UVRAG: variants seen among roughly 807,000 people sequenced by gnomAD.
UVRAG encodes the protein UV radiation resistance-associated gene protein.
UVRAG carries 19 observed loss-of-function variants against 78.0 expected under a neutral mutation model. The observed-to-expected ratio is 0.24, with a 90% CI of 0.17 to 0.36. UVRAG has a LOEUF of 0.36. Ranked by LOEUF, UVRAG falls within the 10% of genes least tolerant of loss-of-function variation. UVRAG has a pLI of 1.00. For synonymous variants in UVRAG, 323 were observed against 324.6 expected (o/e 1.00, Z 0.05); for missense variants, 740 against 853.8 (o/e 0.87, Z 1.66).
chr11:76,062,185 C>T (rs1951106506), intron 12 of UVRAG, among the ~76,000 whole-genome samples: 2 of 152,098 alleles, frequency 1.3e-5, no homozygotes, highest in South Asian at 4.1e-4. Context: ...TTCCTTATTA[C>T]GATACTTACT....
At chr11:75,977,174 C>T (rs1418784918) in intron 7 of UVRAG, among the ~76,000 whole-genome samples, 12 of 152,142 alleles carry the variant, frequency 7.9e-5, no homozygotes, top group African/African-American at 1.7e-4. Flanking sequence ...TGTAGTTGAG[C>T]GGTTTTGAGT....
chr11:75,851,447 G>A (rs1408906767), intron 1 of UVRAG, among the ~76,000 whole-genome samples: 4 of 152,122 alleles, frequency 2.6e-5, no homozygotes, highest in Non-Finnish European at 5.9e-5. Flanking sequence ...AGATAATCTG[G>A]CATCTAGACT....
At chr11:76,100,898 T>TA (rs1460765312) in intron 13 of UVRAG, among the ~76,000 whole-genome samples, 17 of 152,306 alleles carry the variant, frequency 1.1e-4, no homozygotes, top group African/African-American at 3.8e-4. Flanking sequence ...CCAAGGATAA[T>TA]GATCTCCAGC....
chr11:75,920,468 T>C (rs887109741), intron 6 of UVRAG, among the ~76,000 whole-genome samples: 5 of 151,832 alleles, frequency 3.3e-5, no homozygotes, highest in East Asian at 1.9e-4. Context: ...GACACACATA[T>C]ACACACACAC....
chr11:76,001,014 G>A (rs887069138), intron 8 of UVRAG, among the ~76,000 whole-genome samples: 7 of 152,154 alleles, frequency 4.6e-5, no homozygotes, highest in Non-Finnish European at 1.0e-4. Context: ...CTAATTGATA[G>A]CATACCACTC....
chr11:76,050,255 A>T (rs973382804), intron 12 of UVRAG, among the ~76,000 whole-genome samples: 9 of 152,250 alleles, frequency 5.9e-5, no homozygotes, highest in African/African-American at 1.9e-4. Context: ...TTGTCTAGGT[A>T]TATTAAAACC....
intron 12 of UVRAG, among the ~76,000 whole-genome samples, chr11:76,039,910 C>T (rs892156622): frequency 7.9e-5 from 12 of 151,968 alleles, no homozygotes; most frequent in Admixed American, 7.2e-4. Flanking sequence ...GGGTGAAAGA[C>T]CTTTATCAAA....
intron 13 of UVRAG, among the ~76,000 whole-genome samples, chr11:76,090,788 A>T (rs1054857751): frequency 6.6e-6 from 1 of 152,120 alleles, no homozygotes; most frequent in Non-Finnish European, 1.5e-5. Context: ...ACCTCTCAAG[A>T]TATTCAGACA....
intron 6 of UVRAG, among the ~76,000 whole-genome samples, chr11:75,913,711 G>T (rs913830897): frequency 5.3e-5 from 8 of 152,188 alleles, no homozygotes; most frequent in Non-Finnish European, 1.0e-4. Context: ...TGCTTTGACG[G>T]TTTTCTGACA....
intron 12 of UVRAG, among the ~76,000 whole-genome samples, chr11:76,040,007 TTAGC>T (rs1950613263): frequency 6.6e-6 from 1 of 152,242 alleles, no homozygotes; most frequent in Admixed American, 6.5e-5. Flanking sequence ...CATACCTTGT[TTAGC>T]TATGCCTTAT....
At chr11:75,941,670 C>G (rs1333400310) in intron 6 of UVRAG, among the ~76,000 whole-genome samples, 8 of 152,110 alleles carry the variant, frequency 5.3e-5, no homozygotes, top group Non-Finnish European at 1.2e-4. Context: ...GACATTCCCC[C>G]CTGCAACCTG....
chr11:75,912,322 C>T (rs977192880), intron 6 of UVRAG, among the ~76,000 whole-genome samples: 3 of 152,218 alleles, frequency 2.0e-5, no homozygotes, highest in Non-Finnish European at 4.4e-5. Flanking sequence ...CTGTACCCTA[C>T]AGAACAGTAA....
intron 8 of UVRAG, among the ~76,000 whole-genome samples, chr11:75,989,158 G>C (rs180759541): frequency 8.5e-5 from 13 of 152,120 alleles, no homozygotes; most frequent in Middle Eastern, 3.4e-3. Context: ...GGGTTCAAGA[G>C]ACTCTCCTGC....
intron 10 of UVRAG, 140 bp downstream of exon 10, chr11:76,007,761 TAA>T (rs780232159): frequency 7.4e-6 from 5 of 674,052 alleles, no homozygotes; most frequent in Non-Finnish European, 1.2e-5. Flanking sequence ...AATGTCTATT[TAA>T]AACATAGATT....
At chr11:75,974,472 T>C (rs1432287295) in intron 7 of UVRAG, among the ~76,000 whole-genome samples, 1 of 147,622 alleles carries the variant, frequency 6.8e-6, no homozygotes, top group African/African-American at 2.5e-5. Context: ...GTTCACGCCA[T>C]TCTCCTGCCT....
intron 3 of UVRAG, among the ~76,000 whole-genome samples, chr11:75,870,630 T>C (rs1946627431): frequency 6.6e-6 from 1 of 152,194 alleles, no homozygotes; most frequent in Admixed American, 6.5e-5. Context: ...TAGGGTGGTA[T>C]AATTTGAAGA....
intron 14 of UVRAG, among the ~76,000 whole-genome samples, chr11:76,123,800 C>T (rs375019459): frequency 2.0e-5 from 3 of 151,492 alleles, no homozygotes; most frequent in Non-Finnish European, 4.4e-5. Context: ...GAGTCTCGCT[C>T]TGTCACTCAG....
intron 13 of UVRAG, among the ~76,000 whole-genome samples, chr11:76,098,809 T>C (rs1473824472): frequency 6.6e-6 from 1 of 152,178 alleles, no homozygotes; most frequent in Non-Finnish European, 1.5e-5. Context: ...TTGTCCAAAA[T>C]TGTTCATGCC....
chr11:75,934,266 C>CT (rs759099128), intron 6 of UVRAG, among the ~76,000 whole-genome samples: 120 of 152,234 alleles, frequency 7.9e-4, no homozygotes, highest in Non-Finnish European at 1.3e-3. Context: ...CATGTTCTCA[C>CT]TTATTTGTGG....
Sources: gnomAD v4.1 joint callset for allele counts (sites outside exome capture counted in the v4.1 genomes callset) on GRCh38, gnomAD v4.1.1 for gene constraint, MANE v1.5 for transcripts, NCBI Gene and HGNC (gene_info 2026-07-23, HGNC 2026-07-21) for gene names.